CDCP1: variants seen among roughly 807,000 people sequenced by gnomAD.
CDCP1 encodes CUB domain-containing protein 1.
CDCP1 carries 29 observed loss-of-function variants against 60.2 expected under a neutral mutation model. The ratio of observed to expected loss-of-function variants is 0.48; its 90% CI spans 0.36 to 0.66. The LOEUF (loss-of-function observed/expected upper bound fraction) is 0.66, where lower values mean the gene tolerates loss of function less well. Ranked by LOEUF, CDCP1 falls within the 30% of genes least tolerant of loss-of-function variation. The pLI is 0.00. For synonymous variants in CDCP1, 387 were observed against 431.1 expected, an observed-to-expected ratio of 0.90 and a Z score of 1.27; for missense variants, 876 against 1,074.3, an observed-to-expected ratio of 0.82 and a Z score of 2.58.
chr3:45,110,380 G>C (rs1274845755), intron 4 of CDCP1, 93 bp downstream of exon 4: 1 of 1,514,558 alleles, frequency 6.6e-7, no homozygotes, highest in African/African-American at 1.4e-5. Context: ...AGCCACAGAT[G>C]AGAAACAGGA....
At chr3:45,141,130 G>A (rs1041259151) in intron 1 of CDCP1, among the ~76,000 whole-genome samples, 1 of 152,156 alleles carries the variant, frequency 6.6e-6, no homozygotes, top group Non-Finnish European at 1.5e-5. Context: ...GAACCCAGGA[G>A]GTGGGGGTTG....
chr3:45,093,809 C>T (rs762104333), intron 5 of CDCP1, 152 bp from the exon 6 acceptor site: 44 of 822,168 alleles, frequency 5.4e-5, no homozygotes, highest in Non-Finnish European at 7.8e-5. Context: ...CTTCTGGCTC[C>T]TCTGTGTTCC....
intron 1 of CDCP1, among the ~76,000 whole-genome samples, chr3:45,136,329 C>G (rs1699189643): frequency 6.6e-6 from 1 of 152,156 alleles, no homozygotes; most frequent in African/African-American, 2.4e-5. Flanking sequence ...TTTCATGAAC[C>G]ATATTCCTTC....
chr3:45,085,534 C>T lies in CDCP1; in HGVS notation c.*104G>A, dbSNP rs1698173020. ...TGTCCAGGAAAACCTCCTGCTGTTC[C>T]TTCTGTATAATTCCTCTTCTTTAGG... On this transcript the variant is annotated 3_prime_UTR_variant, in exon 9 of 9. Coordinates refer to ENST00000296129, the MANE Select transcript of CDCP1 (RefSeq NM_022842.5). The surrounding 1 kb of genome is among the most constrained non-coding windows in gnomAD (Gnocchi z 4.2). 2 of 1,236,250 alleles carry T rather than the reference C, an allele frequency of 1.6e-6. No homozygotes were observed. Among genetic ancestry groups the T allele is most frequent in the Non-Finnish European group, 2.3e-6 (2 of 878,862 alleles). 76.6% of individuals were successfully genotyped at this position (1,236,250 alleles called of 1,614,324 possible). A position where few individuals can be genotyped will look rare whatever the true frequency, so the allele number is the denominator to read the frequency against.
rs994073387 is a variant in CDCP1 at position 45,082,895 on chromosome 3, G to C, written c.*2743C>G. ...CCTGGGCTTTAAAGAAAAGAGCCAG[G>C]GTTCCTCAGGCTGGGCCCCTTCACT... On this transcript the variant is annotated 3_prime_UTR_variant, in exon 9 of 9. Coordinates refer to ENST00000296129, the MANE Select transcript of CDCP1 (RefSeq NM_022842.5). 4 of 152,224 alleles carry C rather than the reference G, an allele frequency of 2.6e-5. No individual in the cohort carries two copies. Among genetic ancestry groups the C allele is most frequent in the Admixed American group, 6.5e-5 (1 of 15,286 alleles). 9.4% of individuals were successfully genotyped at this position (152,224 alleles called of 1,614,324 possible).
At chr3:45,101,018 C>G (rs1044056681) in intron 4 of CDCP1, among the ~76,000 whole-genome samples, 20 of 152,228 alleles carry the variant, frequency 1.3e-4, no homozygotes, top group African/African-American at 4.8e-4. Context: ...TGTGAGTTGG[C>G]TGCAGCTCTG....
Position 45,107,049 on chromosome 3 carries a change from C to G in CDCP1, c.1024+3424G>C, listed in dbSNP as rs142211316. Reference sequence around the variant, plus strand: ...GGGCCAGACTCTGCCCAGAGTCTCCCCTTAGTATTCCTACCAGCTGCGGTC... The same window carrying G: ...GGGCCAGACTCTGCCCAGAGTCTCCGCTTAGTATTCCTACCAGCTGCGGTC... On this transcript the variant is annotated intron_variant, in intron 4 of 8. Transcript: ENST00000296129. Among the ~76,000 whole-genome samples, 1,275 of 152,258 alleles carry G rather than the reference C, an allele frequency of 8.4e-3. 18 individuals carry two copies. The highest frequency in any genetic ancestry group is 0.029 in the African/African-American group (1,195 of 41,536).
intron 8 of CDCP1, among the ~76,000 whole-genome samples, chr3:45,087,234 G>A (rs528311043): frequency 1.6e-4 from 24 of 152,314 alleles, no homozygotes; most frequent in Non-Finnish European, 3.1e-4. Context: ...TAGTGAACAT[G>A]TTAGATGGCA....
At chr3:45,128,366 T>A (rs1411465769) in intron 1 of CDCP1, among the ~76,000 whole-genome samples, 1 of 152,246 alleles carries the variant, frequency 6.6e-6, no homozygotes, top group South Asian at 2.1e-4. Context: ...GTTACTGTCA[T>A]GCCAGGTGCT....
intron 1 of CDCP1, among the ~76,000 whole-genome samples, chr3:45,130,542 T>G (rs145525809): frequency 5.3e-5 from 8 of 152,316 alleles, no homozygotes; most frequent in Middle Eastern, 6.8e-3. Context: ...TGAGTCGATC[T>G]TTGTGCCTGT....
chr3:45,095,599 G>C, intron 4 of CDCP1, 31 bp from the exon 5 acceptor site: 1 of 1,593,810 alleles, frequency 6.3e-7, no homozygotes, highest in Non-Finnish European at 8.6e-7. Flanking sequence ...CAGGCATGAA[G>C]CATGGATCAG....
chr3:45,114,408 ACT>A (rs1396006643), intron 2 of CDCP1, among the ~76,000 whole-genome samples: 1 of 130,928 alleles, frequency 7.6e-6, no homozygotes, highest in Middle Eastern at 3.8e-3. Context: ...AATTTCATTA[ACT>A]CTCTTTTTTT....
At chr3:45,126,122 CTTT>C (rs1698982632) in intron 1 of CDCP1, among the ~76,000 whole-genome samples, 1 of 135,224 alleles carries the variant, frequency 7.4e-6, no homozygotes, top group African/African-American at 2.8e-5. Flanking sequence ...TTCTTTCTTT[CTTT>C]CTTTCTTTCT....
intron 4 of CDCP1, among the ~76,000 whole-genome samples, chr3:45,100,101 T>C (rs747062669): frequency 6.6e-6 from 1 of 152,188 alleles, no homozygotes; most frequent in Non-Finnish European, 1.5e-5. Context: ...TAGGGTGATA[T>C]GGCCAGATTG....
At chr3:45,120,765 C>T (rs1427146149) in intron 1 of CDCP1, among the ~76,000 whole-genome samples, 2 of 152,168 alleles carry the variant, frequency 1.3e-5, no homozygotes, top group African/African-American at 4.8e-5. Flanking sequence ...ACCTCTTTCC[C>T]ACCTCAGGGC....
intron 2 of CDCP1, among the ~76,000 whole-genome samples, chr3:45,116,273 A>G (rs1286541154): frequency 6.7e-6 from 1 of 149,002 alleles, no homozygotes; most frequent in Admixed American, 6.7e-5. Flanking sequence ...AAAGTCATCT[A>G]TTGAGATGAT....
In CDCP1 at chr3:45,085,866, G is replaced by A; in HGVS notation, c.2283C>T (p.Thr761=). 1 of 1,614,190 alleles carries A rather than the reference G, an allele frequency of 6.2e-7. No homozygotes were observed. Among genetic ancestry groups the A allele is most frequent in the Non-Finnish European group, 8.5e-7 (1 of 1,180,040 alleles). Reference sequence around the variant, plus strand: ...CCATGGTGCCCTGGAACGGCCGGTAGGTGTCCACCTCTGGCTGCAGGAAGG... The same window carrying A: ...CCATGGTGCCCTGGAACGGCCGGTAAGTGTCCACCTCTGGCTGCAGGAAGG... ...SGSFLQPEVD[T]YRPFQGTMGV... Residue 761 remains threonine (T), a synonymous_variant, in exon 9 of 9, where the codon ACC becomes ACT. Transcript: ENST00000296129. This position sits in a 1 kb window ranked among gnomAD's most constrained non-coding sequence, Gnocchi z 4.2.
intron 1 of CDCP1, among the ~76,000 whole-genome samples, chr3:45,134,346 G>C (rs370423150): frequency 1.1e-4 from 16 of 151,966 alleles, no homozygotes; most frequent in African/African-American, 3.4e-4. Flanking sequence ...GGATGGTCTC[G>C]ATCTCCTGAC....
chr3:45,144,239 T>C (rs1323831624), intron 1 of CDCP1, among the ~76,000 whole-genome samples: 1 of 152,198 alleles, frequency 6.6e-6, no homozygotes, highest in Non-Finnish European at 1.5e-5. Context: ...TCTTTCTTTG[T>C]TAAGAGACTT....
Sources: gnomAD v4.1 joint callset for allele counts (sites outside exome capture counted in the v4.1 genomes callset) on GRCh38, gnomAD v4.1.1 for gene constraint, Gnocchi (gnomAD v3.1) non-coding constraint, MANE v1.5 for transcripts, NCBI Gene and HGNC (gene_info 2026-07-23, HGNC 2026-07-21) for gene names.